Variants in INSYN2B observed in about 807,000 individuals in gnomAD.
INSYN2B encodes inhibitory synaptic factor family member 2B.
In INSYN2B, 16 loss-of-function variants were observed where a neutral mutation model predicts 41.2. The observed-to-expected ratio is 0.39, with a 90% CI of 0.26 to 0.59. The LOEUF is 0.59. INSYN2B is among the 20% of genes least tolerant of loss of function. The probability of loss-of-function intolerance (pLI) is 0.57; values close to 1 mark genes in which losing one functional copy is unlikely to be tolerated. For synonymous variants in INSYN2B, 245 were observed against 244.4 expected (o/e 1.00, Z -0.02); for missense variants, 608 against 646.4 (o/e 0.94, Z 0.64).
chr5:169,957,423 A>G (rs1219991582), intron 1 of INSYN2B, among the ~76,000 whole-genome samples: 1 of 152,214 alleles, frequency 6.6e-6, no homozygotes, highest in African/African-American at 2.4e-5. Flanking sequence ...ATGTTAGCTT[A>G]GTACTACTTT....
chr5:169,945,335 T>A (rs1581455047), intron 1 of INSYN2B, among the ~76,000 whole-genome samples: 1 of 149,936 alleles, frequency 6.7e-6, no homozygotes, highest in South Asian at 2.1e-4. Context: ...TTAGAAGACA[T>A]ATATAATTTT....
chr5:169,915,819 A>G (rs1427883656), intron 1 of INSYN2B, among the ~76,000 whole-genome samples: 2 of 152,240 alleles, frequency 1.3e-5, no homozygotes, highest in South Asian at 2.1e-4. Flanking sequence ...GAGCTGGTAC[A>G]TAAATCTAAG....
chr5:169,887,854 G>T (rs948672202), intron 1 of INSYN2B, among the ~76,000 whole-genome samples: 1 of 152,120 alleles, frequency 6.6e-6, no homozygotes, highest in South Asian at 2.1e-4. Context: ...TGCCATTACT[G>T]CATGAGAAGG....
intron 1 of INSYN2B, among the ~76,000 whole-genome samples, chr5:169,977,302 T>G (rs1777750357): frequency 6.6e-6 from 1 of 152,228 alleles, no homozygotes; most frequent in Non-Finnish European, 1.5e-5. Context: ...TTGGGAGTGC[T>G]TGATGTGTCC....
intron 1 of INSYN2B, among the ~76,000 whole-genome samples, chr5:169,887,753 T>TAGTG (rs1288510000): frequency 6.6e-6 from 1 of 152,204 alleles, no homozygotes; most frequent in Non-Finnish European, 1.5e-5. Flanking sequence ...GAAGAAGAAT[T>TAGTG]AGTGAGTCAA....
intron 1 of INSYN2B, among the ~76,000 whole-genome samples, chr5:169,974,291 A>G (rs1777634380): frequency 2.0e-5 from 3 of 152,242 alleles, no homozygotes; most frequent in Admixed American, 6.5e-5. Context: ...TAAGTATCCT[A>G]TAACTGTTGG....
intron 1 of INSYN2B, among the ~76,000 whole-genome samples, chr5:169,943,345 CCTGTGGACAGGCAATA>C (rs762374361): frequency 1.8e-4 from 27 of 152,126 alleles, no homozygotes; most frequent in Non-Finnish European, 3.2e-4. Context: ...AGATCCAGGC[CCTGTGGACAGGCAATA>C]CTTAGGTCCT....
Position 169,864,199 on chromosome 5 carries a change from G to T in INSYN2B, c.*74C>A. Reference sequence around the variant, plus strand: ...GGGCCTTTGCAAAGAAGCAGGGCAGGCCTTAAGTGCAGTGGATTTCCCATC... The same window carrying T: ...GGGCCTTTGCAAAGAAGCAGGGCAGTCCTTAAGTGCAGTGGATTTCCCATC... On this transcript the variant is annotated 3_prime_UTR_variant, in exon 4 of 4. Coordinates refer to ENST00000377365, the MANE Select transcript of INSYN2B (RefSeq NM_001129891.3). 2.3e-6 allele frequency: 3 copies of T among 1,303,668 alleles called. No individual in the cohort carries two copies. Among genetic ancestry groups the T allele is most frequent in the South Asian group, 2.5e-5 (2 of 78,596 alleles). 80.8% of individuals were successfully genotyped at this position (1,303,668 alleles called of 1,614,324 possible). A position where few individuals can be genotyped will look rare whatever the true frequency, so the allele number is the denominator to read the frequency against.
chr5:169,902,041 G>T (rs529471548), intron 1 of INSYN2B, among the ~76,000 whole-genome samples: 5 of 152,268 alleles, frequency 3.3e-5, no homozygotes, highest in African/African-American at 1.2e-4. Context: ...CAAACGGTTT[G>T]TTTCTCCCTC....
chr5:169,975,195 G>C (rs1168931232), intron 1 of INSYN2B, among the ~76,000 whole-genome samples: 1 of 152,198 alleles, frequency 6.6e-6, no homozygotes, highest in Non-Finnish European at 1.5e-5. Context: ...GAATGAGGAA[G>C]AGTCAACATT....
In INSYN2B at chr5:169,944,599, T is replaced by C. The variant is rs376790373; in HGVS notation, c.-919+35678A>G. 1.8e-3 allele frequency among the ~76,000 whole-genome samples: 279 copies of C among 152,344 alleles called. 6 individuals are homozygous for C. The South Asian group carries it at 0.048, about 26-fold the overall frequency. Reference sequence around the variant, plus strand: ...GAGTGACCTTGGGAGAGCATTTTAATACCTCTGTGCCTTGGTTTCCTCATC... The same window carrying C: ...GAGTGACCTTGGGAGAGCATTTTAACACCTCTGTGCCTTGGTTTCCTCATC... On this transcript the variant is annotated intron_variant, in intron 1 of 3. Transcript: ENST00000377365.
intron 1 of INSYN2B, among the ~76,000 whole-genome samples, chr5:169,952,705 C>G (rs934143507): frequency 6.6e-6 from 1 of 152,180 alleles, no homozygotes; most frequent in Admixed American, 6.5e-5. Flanking sequence ...CTCCAGCCAG[C>G]CTTGCCCCTG....
intron 1 of INSYN2B, among the ~76,000 whole-genome samples, chr5:169,951,547 T>A (rs1261300204): frequency 6.6e-6 from 1 of 152,204 alleles, no homozygotes. Flanking sequence ...CATGGACACC[T>A]GCCTTGGATC....
Position 169,864,577 on chromosome 5 carries a change from C to G in INSYN2B, c.1422-118G>C, listed in dbSNP as rs549555228. On this transcript the variant is annotated intron_variant, in intron 3 of 3. Transcript: ENST00000377365. Reference sequence around the variant, plus strand: ...GAGCTTTGGGATCAAATCCTAGATCCTTAGGTACCTACTGGCTCTTTGACC... The same window carrying G: ...GAGCTTTGGGATCAAATCCTAGATCGTTAGGTACCTACTGGCTCTTTGACC... 2.2e-4 allele frequency: 175 copies of G among 783,140 alleles called. No homozygotes were observed. The African/African-American group carries it at 2.8e-3, about 13-fold the overall frequency. The allele number at this position is 783,140 out of a possible 1,614,324, so 48.5% of individuals were successfully genotyped here.
chr5:169,915,459 C>T (rs1774821356), intron 1 of INSYN2B, among the ~76,000 whole-genome samples: 1 of 151,898 alleles, frequency 6.6e-6, no homozygotes, highest in African/African-American at 2.4e-5. Context: ...TACCCAAGGT[C>T]ATGTAACTAA....
chr5:169,883,836 C>T lies in INSYN2B; in HGVS notation c.63G>A (p.Val21=), dbSNP rs747216211. The T allele has an allele frequency of 1.4e-5, 22 of 1,547,102 alleles. No homozygotes were observed. The African/African-American group carries it at 2.5e-4, about 17-fold the overall frequency. The change falls in exon 2 of 4, where the codon GTG becomes GTA. Residue 21 remains valine (V), a synonymous_variant. Coordinates refer to ENST00000377365, the MANE Select transcript of INSYN2B (RefSeq NM_001129891.3). ...VLLKRNSLES[V]EFVKQPHHRR... is the part of the protein sequence containing the mutation. ...GGTGGTGAGGTTGTTTCACAAACTC[C>T]ACTGATTCTAGACTGTTACGCTTTA...
Position 169,940,970 on chromosome 5 carries a change from C to G in INSYN2B, c.-919+39307G>C, listed in dbSNP as rs147449067. ...TGCCGATAGTGCCATGGCTGAGAGA[C>G]CCTGTTCCATACTAATTCTTAGATA... On this transcript the variant is annotated intron_variant, in intron 1 of 3. Coordinates refer to ENST00000377365, the MANE Select transcript of INSYN2B (RefSeq NM_001129891.3). Among the ~76,000 whole-genome samples the G allele has an allele frequency of 2.1e-3, 324 of 152,248 alleles. 1 individual carries two copies. Among genetic ancestry groups the G allele is most frequent in the African/African-American group, 7.4e-3 (309 of 41,538 alleles).
intron 1 of INSYN2B, among the ~76,000 whole-genome samples, chr5:169,885,044 C>T (rs1340835567): frequency 6.6e-6 from 1 of 152,130 alleles, no homozygotes; most frequent in Non-Finnish European, 1.5e-5. Flanking sequence ...CATTTCTGCA[C>T]AGCACTCAGC....
chr5:169,925,760 A>T (rs1172117972), intron 1 of INSYN2B, among the ~76,000 whole-genome samples: 1 of 152,044 alleles, frequency 6.6e-6, no homozygotes, highest in Non-Finnish European at 1.5e-5. Flanking sequence ...GAGATCATGT[A>T]AAGTGCTTTC....
Sources: gnomAD v4.1 joint callset for allele counts (sites outside exome capture counted in the v4.1 genomes callset) on GRCh38, gnomAD v4.1.1 for gene constraint, MANE v1.5 for transcripts, NCBI Gene and HGNC (gene_info 2026-07-23, HGNC 2026-07-21) for gene names.